TGM2: variants seen among roughly 807,000 people sequenced by gnomAD.
TGM2 encodes the protein transglutaminase 2.
A neutral mutation model predicts 75.6 loss-of-function variants in TGM2; 53 were observed. The ratio of observed to expected loss-of-function variants is 0.70; its 90% CI spans 0.56 to 0.88. The LOEUF (loss-of-function observed/expected upper bound fraction) is 0.88, where lower values mean the gene tolerates loss of function less well. TGM2 is among the 40% of genes least tolerant of loss of function. The pLI, the probability that TGM2 is intolerant of heterozygous loss-of-function variation, is 0.00. For missense variants in TGM2, 842 were observed against 928.5 expected (o/e 0.91, Z 1.21); for synonymous variants, 374 against 381.1 (o/e 0.98, Z 0.22).
chr20:38,147,162 A>G (rs1057043346), intron 5 of TGM2, among the ~76,000 whole-genome samples: 2 of 152,124 alleles, frequency 1.3e-5, no homozygotes, highest in South Asian at 2.1e-4. Context: ...ACTCTGTCCT[A>G]TGAACACAGG....
At chr20:38,148,780 C>T (rs998801824) in intron 4 of TGM2, among the ~76,000 whole-genome samples, 7 of 152,174 alleles carry the variant, frequency 4.6e-5, no homozygotes, top group Non-Finnish European at 8.8e-5. Context: ...ATGCTCTTCC[C>T]GCTGCTCTCT....
Position 38,142,567 on chromosome 20 carries a change from A to G in TGM2, c.860-368T>C, listed in dbSNP as rs541067734. Among the ~76,000 whole-genome samples the G allele has an allele frequency of 2.4e-3, 367 of 152,284 alleles. 1 individual carries two copies. The highest frequency in any genetic ancestry group is 2.6e-3 in the Non-Finnish European group (175 of 68,020). The stretch of plus-strand genomic sequence containing the variant: ...CTAAAAATACAAAAATTAGCCAGGC[A>G]TGGTGGTGCACGCCTGTAATCCCAG... On this transcript the variant is annotated intron_variant, in intron 6 of 12. Coordinates refer to ENST00000361475, the MANE Select transcript of TGM2 (RefSeq NM_004613.4).
intron 3 of TGM2, among the ~76,000 whole-genome samples, chr20:38,154,369 G>A (rs1470255889): frequency 6.6e-6 from 1 of 152,186 alleles, no homozygotes; most frequent in African/African-American, 2.4e-5. Context: ...GAGGGGCCTG[G>A]CCCATGATGC....
chr20:38,141,532 T>G, intron 7 of TGM2, 147 bp from the exon 8 acceptor site: 2 of 697,952 alleles, frequency 2.9e-6, no homozygotes, highest in Non-Finnish European at 5.1e-6. Flanking sequence ...TGCCTTGTTC[T>G]TCCCCCCACG....
intron 9 of TGM2, 133 bp downstream of exon 9, chr20:38,139,279 G>T: frequency 7.8e-7 from 1 of 1,290,178 alleles, no homozygotes. Flanking sequence ...TGAAGATGGA[G>T]TATAGCCTAC....
rs778439933 is a variant in TGM2 at position 38,130,260 on chromosome 20, C to T, written c.2023G>A (p.Ala675Thr). The T allele has an allele frequency of 1.9e-6, 3 of 1,613,404 alleles. No homozygotes were observed. Among genetic ancestry groups the T allele is most frequent in the East Asian group, 2.2e-5 (1 of 44,864 alleles). The change falls in exon 13 of 13, where the codon GCT (alanine) becomes ACT (threonine). Residue 675 changes from alanine (A) to threonine (T), a missense_variant. Transcript: ENST00000361475. ...VVNFESDKLK[A>T]VKGFRNVIIG... ...ATGACATTCCGGAAGCCCTTCACAG[C>T]CTTCAGCTTGTCGCTCTCGAAGTTC...
chr20:38,153,524 CAAAAAAAAGA>C (rs949464958), intron 3 of TGM2, among the ~76,000 whole-genome samples: 2 of 63,854 alleles, frequency 3.1e-5, no homozygotes, highest in African/African-American at 2.3e-4. Flanking sequence ...GCCTTGGTCT[CAAAAAAAAGA>C]AAAAAAAAAA....
chr20:38,135,558 C>T (rs946354087), intron 10 of TGM2, among the ~76,000 whole-genome samples: 2 of 87,466 alleles, frequency 2.3e-5, no homozygotes, highest in African/African-American at 1.7e-4. Flanking sequence ...AGCCAGGCAG[C>T]AGGCAGCAGG....
chr20:38,146,343 A>T, intron 6 of TGM2: 1 of 364,828 alleles, frequency 2.7e-6, no homozygotes, highest in Non-Finnish European at 5.3e-6. Flanking sequence ...TGTTGTCCCC[A>T]TTTTCCAGAC....
intron 10 of TGM2, among the ~76,000 whole-genome samples, chr20:38,135,424 CACACACACAT>C (rs745707875): frequency 5.7e-4 from 86 of 152,064 alleles, no homozygotes; most frequent in African/African-American, 1.5e-3. Context: ...CACACACACA[CACACACACAT>C]ACACACACAC....
At chr20:38,132,712 T>C in intron 10 of TGM2, 1 of 699,784 alleles carries the variant, frequency 1.4e-6, no homozygotes. Flanking sequence ...GAGGACGCAC[T>C]TGGACTCCCA....
chr20:38,155,517 T>A (rs1019535983), intron 3 of TGM2, among the ~76,000 whole-genome samples: 2 of 151,608 alleles, frequency 1.3e-5, no homozygotes, highest in South Asian at 2.1e-4. Flanking sequence ...ACTGTTAAAA[T>A]TTTTTTTTGT....
Position 38,147,843 on chromosome 20 carries a change from A to G in TGM2, c.681+118T>C, listed in dbSNP as rs375098381. ...TTTCCAATATAAGGTCTTTTCCCCA[A>G]GACTTACCCATCTCCCGGGTCCCCC... On this transcript the variant is annotated intron_variant, in intron 5 of 12. Transcript: ENST00000361475. 33 of 1,447,900 alleles carry G rather than the reference A, an allele frequency of 2.3e-5. No homozygotes were observed. The African/African-American group carries it at 4.1e-4, about 18-fold the overall frequency. The allele number at this position is 1,447,900 out of a possible 1,614,324, so 89.7% of individuals were successfully genotyped here.
At chr20:38,148,145 G>A (rs2075069535) in intron 4 of TGM2, 56 bp from the exon 5 acceptor site, 3 of 1,611,548 alleles carry the variant, frequency 1.9e-6, no homozygotes, top group Non-Finnish European at 2.5e-6. Context: ...CCTCCTCCAG[G>A]AAGCCTGCGT....
At chr20:38,142,479 G>A (rs944179080) in intron 6 of TGM2, among the ~76,000 whole-genome samples, 9 of 152,206 alleles carry the variant, frequency 5.9e-5, no homozygotes, top group African/African-American at 2.2e-4. Flanking sequence ...TTGAGAGGCC[G>A]AGGGGGGCCT....
chr20:38,161,759 G>C (rs1334662389), intron 1 of TGM2, among the ~76,000 whole-genome samples, 160 bp from the exon 2 acceptor site: 1 of 152,132 alleles, frequency 6.6e-6, no homozygotes, highest in Non-Finnish European at 1.5e-5. Flanking sequence ...GGTCACACGG[G>C]GGCTAGGTGG....
intron 2 of TGM2, among the ~76,000 whole-genome samples, chr20:38,160,274 T>C (rs2122968209): frequency 6.6e-6 from 1 of 152,286 alleles, no homozygotes; most frequent in South Asian, 2.1e-4. Context: ...AGGTGGCCCC[T>C]CACTGACCTC....
In TGM2 at chr20:38,155,963, G is replaced by A. The variant is rs141500725; in HGVS notation, c.317C>T (p.Thr106Ile). ...CAGGCCGATGGGGGCGTTGGCCGGG[G>A]TGGTGAGCTGCAGCGAGAGGGTGCA... ...QDCTLSLQLT[T>I]PANAPIGLYR... The change falls in exon 3 of 13, where the codon ACC (threonine) becomes ATC (isoleucine). Residue 106 changes from threonine to isoleucine, a missense_variant. Thr to Ile is a moderately conservative substitution (Grantham distance 89). Coordinates refer to ENST00000361475, the MANE Select transcript of TGM2 (RefSeq NM_004613.4). 27 of 1,613,058 alleles carry A rather than the reference G, an allele frequency of 1.7e-5. No individual in the cohort carries two copies. The highest frequency in any genetic ancestry group is 2.1e-5 in the Non-Finnish European group (25 of 1,179,750).
At position 38,142,163 on chromosome 20, in the gene TGM2, G is replaced by C; in HGVS notation, c.896C>G (p.Thr299Ser). Residue 299 changes from threonine (T) to serine (S), a missense_variant, in exon 7 of 13, where the codon ACC (threonine) becomes AGC (serine). By Grantham distance (58) the Thr-to-Ser change is moderately conservative (BLOSUM62 1). Transcript: ENST00000361475. ...CTGGTCATGGGCCGAGTTGTAGTTGGTCACGACGCGGGTAGGGATGCCCAG... is the reference window on the plus strand; with the variant it reads ...CTGGTCATGGGCCGAGTTGTAGTTGCTCACGACGCGGGTAGGGATGCCCAG... Reference protein sequence around the residue: ...RCLGIPTRVVTNYNSAHDQNS... With the variant: ...RCLGIPTRVVSNYNSAHDQNS... 1 of 1,614,198 alleles carries C rather than the reference G, an allele frequency of 6.2e-7. No individual in the cohort carries two copies.
Sources: allele counts gnomAD v4.1 joint callset (sites outside exome capture counted in the v4.1 genomes callset), GRCh38; gene constraint gnomAD v4.1.1; transcripts MANE v1.5; gene names NCBI Gene and HGNC (gene_info 2026-07-23, HGNC 2026-07-21).